STK32A: variants seen among roughly 807,000 people sequenced by gnomAD.
STK32A encodes serine/threonine-protein kinase 32A.
In STK32A, 41 loss-of-function variants were observed where a neutral mutation model predicts 53.2. The ratio of observed to expected loss-of-function variants is 0.77; its 90% CI spans 0.60 to 1.00. The LOEUF (loss-of-function observed/expected upper bound fraction) is 1.00. STK32A is among the 50% of genes least tolerant of loss of function. The probability of loss-of-function intolerance (pLI) is 0.00; values close to 1 mark genes in which losing one functional copy is unlikely to be tolerated. For synonymous variants in STK32A, 166 were observed against 162.8 expected, an observed-to-expected ratio of 1.02 and a Z score of -0.15; for missense variants, 458 against 485.8, an observed-to-expected ratio of 0.94 and a Z score of 0.54.
At chr5:147,312,696 G>T (rs1753763576) in intron 4 of STK32A, among the ~76,000 whole-genome samples, 1 of 152,100 alleles carries the variant, frequency 6.6e-6, no homozygotes, top group South Asian at 2.1e-4. Flanking sequence ...GAGTTTTTCT[G>T]CTGTTAAAAA....
rs1406455350 is a variant in STK32A at position 147,383,951 on chromosome 5, C to A, written c.1159C>A (p.Gln387Lys). The A allele has an allele frequency of 3.2e-5, 51 of 1,609,050 alleles. No individual in the cohort carries two copies. The highest frequency in any genetic ancestry group is 4.2e-5 in the Non-Finnish European group (50 of 1,178,422). ...NLALEQTKDP[Q>K]GEDGQNNNL ...AGCCTTGGAACAAACCAAAGACCCA[C>A]AAGGTGAGGATGGTCAGAATAACAA... Residue 387 changes from glutamine to lysine, a missense_variant, in exon 13 of 13, where the codon CAA (glutamine) becomes AAA (lysine). By Grantham distance (53) the Gln-to-Lys change is moderately conservative. Coordinates refer to ENST00000397936, the MANE Select transcript of STK32A (RefSeq NM_001112724.2).
chr5:147,256,717 G>A (rs1055178877), intron 2 of STK32A, among the ~76,000 whole-genome samples: 5 of 152,050 alleles, frequency 3.3e-5, no homozygotes, highest in African/African-American at 1.2e-4. Context: ...TCTCCATGTT[G>A]GTCAGGCTGG....
chr5:147,367,583 G>C (rs920982892), intron 8 of STK32A, among the ~76,000 whole-genome samples: 2 of 152,062 alleles, frequency 1.3e-5, no homozygotes, highest in Non-Finnish European at 2.9e-5. Context: ...TTCTCTGGTG[G>C]GCAGGGGTGA....
intron 9 of STK32A, among the ~76,000 whole-genome samples, chr5:147,371,885 G>A (rs1220974626): frequency 6.6e-6 from 1 of 152,124 alleles, no homozygotes; most frequent in Non-Finnish European, 1.5e-5. Flanking sequence ...CATAGTTTGG[G>A]AAGCACAACT....
downstream of STK32A, among the ~76,000 whole-genome samples, chr5:147,390,497 C>CAAAAAAAAAA (rs1757770903): frequency 7.0e-6 from 1 of 143,616 alleles, no homozygotes. Flanking sequence ...AAAAAAAACC[C>CAAAAAAAAAA]AAAACAAAAA....
chr5:147,372,404 G>T (rs1196279251), intron 9 of STK32A, among the ~76,000 whole-genome samples: 1 of 147,636 alleles, frequency 6.8e-6, no homozygotes, highest in Non-Finnish European at 1.5e-5. Flanking sequence ...CCTTATTTTG[G>T]AATAGGGACA....
At chr5:147,400,048 T>C in the STK32A span, among the ~76,000 whole-genome samples, 8 of 152,218 alleles carry the variant, frequency 5.3e-5, no homozygotes, top group African/African-American at 1.9e-4. Flanking sequence ...ATAACTTTGA[T>C]AAGAATGTTT....
chr5:147,239,590 C>G lies in STK32A; in HGVS notation c.-45C>G. On this transcript the variant is annotated 5_prime_UTR_variant, in exon 2 of 13. Transcript: ENST00000397936. The stretch of plus-strand genomic sequence containing the variant: ...TTTTGAGCGAAGATGGGTGTTTCTG[C>G]CCGGATAGTATAAATCGAGGATCCA... 1 of 1,509,214 alleles carries G rather than the reference C, an allele frequency of 6.6e-7. No individual in the cohort carries two copies. The highest frequency in any genetic ancestry group is 9.0e-7 in the Non-Finnish European group (1 of 1,105,296). 93.5% of individuals were successfully genotyped at this position (1,509,214 alleles called of 1,614,324 possible).
intron 2 of STK32A, among the ~76,000 whole-genome samples, chr5:147,249,007 C>T (rs1753868512): frequency 6.6e-6 from 1 of 152,130 alleles, no homozygotes; most frequent in South Asian, 2.1e-4. Context: ...CAGAGGGCTA[C>T]AGATTAAATC....
chr5:147,295,608 T>C (rs1752831334), intron 4 of STK32A, among the ~76,000 whole-genome samples: 1 of 152,236 alleles, frequency 6.6e-6, no homozygotes, highest in Non-Finnish European at 1.5e-5. Flanking sequence ...GTGTTTCCTT[T>C]CTCTTTTGGC....
chr5:147,355,347 T>C (rs1038705249), intron 7 of STK32A, among the ~76,000 whole-genome samples: 2 of 152,182 alleles, frequency 1.3e-5, no homozygotes, highest in African/African-American at 2.4e-5. Context: ...TTTGTCTGTA[T>C]GAATATAATC....
chr5:147,331,124 C>T (rs1754849949), intron 5 of STK32A, among the ~76,000 whole-genome samples: 1 of 152,156 alleles, frequency 6.6e-6, no homozygotes, highest in Admixed American at 6.5e-5. Context: ...ACAGTGACAC[C>T]TCAGGTTTCT....
At chr5:147,370,844 G>T (rs1233772966) in intron 9 of STK32A, 74 bp downstream of exon 9, 1 of 960,230 alleles carries the variant, frequency 1.0e-6, no homozygotes, top group African/African-American at 1.6e-5. Context: ...TTAGAAGTTA[G>T]TATACAATAT....
intron 2 of STK32A, among the ~76,000 whole-genome samples, chr5:147,254,976 A>T (rs369061521): frequency 6.6e-6 from 1 of 152,124 alleles, no homozygotes; most frequent in South Asian, 2.1e-4. Context: ...CGTCTCTACT[A>T]AAAATACAAA....
intron 2 of STK32A, among the ~76,000 whole-genome samples, chr5:147,257,258 G>T (rs931078150): frequency 6.6e-6 from 1 of 151,994 alleles, no homozygotes; most frequent in Non-Finnish European, 1.5e-5. Context: ...GGGCGGGGCG[G>T]GGGGTAGGAC....
chr5:147,312,280 T>A (rs10476886), intron 4 of STK32A, among the ~76,000 whole-genome samples: 2 of 152,100 alleles, frequency 1.3e-5, no homozygotes, highest in African/African-American at 4.8e-5. Context: ...TTTTTTGTAT[T>A]TGTAGTAGAG....
chr5:147,324,973 A>G (rs1468212991), intron 5 of STK32A, among the ~76,000 whole-genome samples: 2 of 152,310 alleles, frequency 1.3e-5, no homozygotes, highest in East Asian at 1.9e-4. Flanking sequence ...TCATTATAAT[A>G]TTCCCATTAC....
intron 2 of STK32A, among the ~76,000 whole-genome samples, chr5:147,275,560 G>A (rs1319966609): frequency 1.3e-5 from 2 of 152,138 alleles, no homozygotes; most frequent in African/African-American, 4.8e-5. Context: ...CTGGGCTCAA[G>A]CAATGCTCCT....
intron 4 of STK32A, among the ~76,000 whole-genome samples, chr5:147,300,803 G>A (rs1753092691): frequency 6.6e-6 from 1 of 152,182 alleles, no homozygotes; most frequent in African/African-American, 2.4e-5. Context: ...TTCCTCACCT[G>A]TAATTAGGAA....
Sources: gnomAD v4.1 joint callset for allele counts (sites outside exome capture counted in the v4.1 genomes callset) on GRCh38, gnomAD v4.1.1 for gene constraint, MANE v1.5 for transcripts, NCBI Gene and HGNC (gene_info 2026-07-23, HGNC 2026-07-21) for gene names.